GLIS3: variants seen among roughly 807,000 people sequenced by gnomAD.
The protein encoded by GLIS3 is GLIS family zinc finger 3, also known as zinc finger protein GLIS3.
In GLIS3, 53 loss-of-function variants were observed where a neutral mutation model predicts 78.6. The observed-to-expected ratio is 0.67, with a 90% confidence interval of 0.54 to 0.85. The LOEUF is 0.85. Ranked by LOEUF, GLIS3 falls within the 40% of genes least tolerant of loss-of-function variation. GLIS3 has a pLI of 0.00. For missense variants in GLIS3, 1,703 were observed against 1,231.1 expected (o/e 1.38, Z -5.74); for synonymous variants, 684 against 509.9 (o/e 1.34, Z -4.60).
chr9:4,415,004 C>CT, the GLIS3 span, among the ~76,000 whole-genome samples: 3 of 152,010 alleles, frequency 2.0e-5, no homozygotes, highest in Admixed American at 6.6e-5. Flanking sequence ...ATACAGAGTT[C>CT]TTTTTTTTCC....
At chr9:4,063,916 G>T (rs879811521) in intron 4 of GLIS3, among the ~76,000 whole-genome samples, 2 of 152,084 alleles carry the variant, frequency 1.3e-5, no homozygotes, top group Non-Finnish European at 2.9e-5. Context: ...TGAAAAAAGT[G>T]AAATCATAAG....
the GLIS3 span, among the ~76,000 whole-genome samples, chr9:4,411,664 A>G: frequency 1.3e-5 from 2 of 152,174 alleles, no homozygotes; most frequent in African/African-American, 4.8e-5. Context: ...TGTATGCTGT[A>G]TGGTAGACAA....
intron 9 of GLIS3, among the ~76,000 whole-genome samples, chr9:3,845,747 A>ACACC (rs1207426372): frequency 6.6e-6 from 1 of 152,140 alleles, no homozygotes; most frequent in Non-Finnish European, 1.5e-5. Context: ...ACGCACACAC[A>ACACC]CACCCACACA....
intron 4 of GLIS3, among the ~76,000 whole-genome samples, chr9:3,940,198 T>G (rs571354080): frequency 6.6e-6 from 1 of 152,360 alleles, no homozygotes; most frequent in Admixed American, 6.5e-5. Context: ...TAGGTAGGCT[T>G]ATAAAAGATT....
At chr9:4,059,167 C>A (rs1463252535) in intron 4 of GLIS3, among the ~76,000 whole-genome samples, 1 of 152,108 alleles carries the variant, frequency 6.6e-6, no homozygotes. Context: ...CAGGCCTTGA[C>A]CTTTTGGCAA....
chr9:4,170,053 C>T (rs181435715), intron 2 of GLIS3, among the ~76,000 whole-genome samples: 21 of 152,240 alleles, frequency 1.4e-4, no homozygotes, highest in Middle Eastern at 3.4e-3. Flanking sequence ...CAGTAAATCA[C>T]GGATATAGAA....
chr9:4,052,319 T>A (rs1473264706), intron 4 of GLIS3, among the ~76,000 whole-genome samples: 2 of 152,226 alleles, frequency 1.3e-5, no homozygotes, highest in Non-Finnish European at 2.9e-5. Flanking sequence ...TGGTTTAATT[T>A]TTTTTTGTGG....
intron 1 of GLIS3, among the ~76,000 whole-genome samples, chr9:4,291,019 C>T (rs1815926107): frequency 6.6e-6 from 1 of 152,012 alleles, no homozygotes; most frequent in Non-Finnish European, 1.5e-5. Flanking sequence ...GAATTTGCAA[C>T]CGAAGTTACA....
chr9:4,256,954 C>G (rs1453374361), intron 2 of GLIS3, among the ~76,000 whole-genome samples: 1 of 152,072 alleles, frequency 6.6e-6, no homozygotes, highest in African/African-American at 2.4e-5. Flanking sequence ...TGAAATGTCC[C>G]TCAACAGATG....
intron 2 of GLIS3, among the ~76,000 whole-genome samples, chr9:4,318,589 A>G (rs1464847595): frequency 6.6e-6 from 1 of 152,244 alleles, no homozygotes; most frequent in Admixed American, 6.5e-5. Context: ...GTTATAAAAC[A>G]TTGGCAGCAA....
At chr9:4,358,608 C>T in the GLIS3 span, among the ~76,000 whole-genome samples, 1 of 152,162 alleles carries the variant, frequency 6.6e-6, no homozygotes, top group Non-Finnish European at 1.5e-5. Flanking sequence ...CTTACCATCT[C>T]CCTATTTAGA....
At chr9:4,476,612 T>G in the GLIS3 span, among the ~76,000 whole-genome samples, 1 of 152,150 alleles carries the variant, frequency 6.6e-6, no homozygotes, top group African/African-American at 2.4e-5. Flanking sequence ...TCCACTCACC[T>G]CAGCCTCCCT....
chr9:4,326,584 T>C (rs879589913), intron 2 of GLIS3, among the ~76,000 whole-genome samples: 1 of 152,100 alleles, frequency 6.6e-6, no homozygotes, highest in Non-Finnish European at 1.5e-5. Context: ...AGTTCCAGTT[T>C]AGGATGATGA....
intron 4 of GLIS3, among the ~76,000 whole-genome samples, chr9:3,985,965 G>C (rs1054740870): frequency 2.0e-5 from 3 of 152,124 alleles, no homozygotes; most frequent in Non-Finnish European, 4.4e-5. Flanking sequence ...AAATTCATTT[G>C]TGGAGAAAAA....
chr9:4,384,821 C>T, the GLIS3 span, among the ~76,000 whole-genome samples: 5 of 152,108 alleles, frequency 3.3e-5, no homozygotes, highest in African/African-American at 1.2e-4. Context: ...CCTCCAGCCC[C>T]GTGTACACAT....
intron 2 of GLIS3, among the ~76,000 whole-genome samples, chr9:4,263,153 CT>C (rs1014138930): frequency 6.6e-6 from 1 of 152,116 alleles, no homozygotes; most frequent in African/African-American, 2.4e-5. Context: ...CTGCCCTGCC[CT>C]TTTAAAAGTG....
chr9:4,335,158 T>C (rs1817740264), intron 2 of GLIS3, among the ~76,000 whole-genome samples: 1 of 152,122 alleles, frequency 6.6e-6, no homozygotes, highest in South Asian at 2.1e-4. Flanking sequence ...TCCACCCGCC[T>C]TGGCATCCCA....
the GLIS3 span, among the ~76,000 whole-genome samples, chr9:4,459,068 T>C: frequency 1.3e-5 from 2 of 152,022 alleles, no homozygotes; most frequent in African/African-American, 4.8e-5. Context: ...AGAAGAAACA[T>C]GATCTGATTT....
At position 4,117,977 on chromosome 9, in the gene GLIS3, A is replaced by C. The variant is rs765857145; in HGVS notation, c.1501T>G (p.Cys501Gly). Residue 501 changes from cysteine to glycine, a missense_variant, in exon 4 of 11, where the codon TGC becomes GGC. Physicochemically the swap from Cys to Gly is radical, Grantham distance 159. Coordinates refer to ENST00000381971, the MANE Select transcript of GLIS3 (RefSeq NM_001042413.2). ...GCGCTGCAGTCGATCCAGCGGCAGC[A>C]ATGCTTGCCCCCGATGCCGTCCATC... ...GEMDGIGGKH[C>G]CRWIDCSALY... 2 of 1,613,214 alleles carry C rather than the reference A, an allele frequency of 1.2e-6. No individual in the cohort carries two copies. The highest frequency in any genetic ancestry group is 3.3e-5 in the Admixed American group (2 of 60,016).
Sources: gnomAD v4.1 joint callset for allele counts (sites outside exome capture counted in the v4.1 genomes callset) on GRCh38, gnomAD v4.1.1 for gene constraint, MANE v1.5 for transcripts, NCBI Gene and HGNC (gene_info 2026-07-23, HGNC 2026-07-21) for gene names.